Variants in BRD7 observed in about 807,000 individuals in gnomAD.
The protein encoded by BRD7 is bromodomain-containing protein 7.
A neutral mutation model predicts 82.1 loss-of-function variants in BRD7; 15 were observed. The observed-to-expected ratio is 0.18, with a 90% confidence interval of 0.12 to 0.28. The LOEUF is 0.28. BRD7 is among the 10% of genes least tolerant of loss of function. The pLI is 1.00. For missense variants in BRD7, 638 were observed against 779.9 expected (o/e 0.82, Z 2.17); for synonymous variants, 232 against 266.9 (o/e 0.87, Z 1.27).
At chr16:50,319,401 C>G (rs76259746) in intron 16 of BRD7, 135 bp from the exon 17 acceptor site, 13,318 of 694,926 alleles carry the variant, frequency 0.019, 173 homozygotes, top group Middle Eastern at 0.029. Flanking sequence ...CTGAAGACTA[C>G]GCGCATTATC....
chr16:50,367,174 A>G lies in BRD7; in HGVS notation c.258+916T>C, dbSNP rs1411507289. ...ATTTACCTTCACAATAATTGATGTA[A>G]TAAGTCGTTCAGTGGCAGGTTAAAT... On this transcript the variant is annotated intron_variant, in intron 2 of 16. Transcript: ENST00000394688. Among the ~76,000 whole-genome samples the G allele has an allele frequency of 3.9e-5, 6 of 152,236 alleles. No homozygotes were observed. The East Asian group carries it at 7.7e-4, about 20-fold the overall frequency.
intron 5 of BRD7, among the ~76,000 whole-genome samples, chr16:50,340,624 T>C (rs1158094709): frequency 1.3e-5 from 2 of 152,216 alleles, no homozygotes; most frequent in Non-Finnish European, 2.9e-5. Context: ...ACATTTACAC[T>C]ACTTTTATGT....
chr16:50,368,901 G>C lies in BRD7; in HGVS notation c.-127C>G. The C allele has an allele frequency of 2.2e-6, 1 of 446,234 alleles. No individual in the cohort carries two copies. Among genetic ancestry groups the C allele is most frequent in the East Asian group, 1.6e-4 (1 of 6,210 alleles). The allele number at this position is 446,234 out of a possible 1,614,324, so 27.6% of individuals were successfully genotyped here. On this transcript the variant is annotated 5_prime_UTR_variant, in exon 1 of 17. Coordinates refer to ENST00000394688, the MANE Select transcript of BRD7 (RefSeq NM_013263.5). ...GAGACCCCGCGCCGCGAGGCAGGGG[G>C]GCGGCGCGCGCCGGGCGGCGCGATG...
chr16:50,330,632 T>C (rs1394803247), intron 8 of BRD7, among the ~76,000 whole-genome samples: 4 of 152,202 alleles, frequency 2.6e-5, no homozygotes, highest in African/African-American at 9.6e-5. Flanking sequence ...TATGTCTATA[T>C]ATGTGTCATG....
At chr16:50,324,687 T>C (rs1477024722) in intron 11 of BRD7, among the ~76,000 whole-genome samples, 3 of 152,242 alleles carry the variant, frequency 2.0e-5, no homozygotes, top group Admixed American at 6.5e-5. Context: ...GTACCAGACT[T>C]ATCTGACCGA....
chr16:50,353,223 A>G (rs1354387070), intron 4 of BRD7, among the ~76,000 whole-genome samples: 2 of 151,974 alleles, frequency 1.3e-5, no homozygotes, highest in Non-Finnish European at 2.9e-5. Flanking sequence ...GTGCAACCAC[A>G]CTAGGATAAT....
At position 50,320,288 on chromosome 16, in the gene BRD7, C is replaced by A. The variant is rs2037037742; in HGVS notation, c.1716G>T (p.Met572Ile). Reference sequence around the variant, plus strand: ...TGTATGAGGGACCCAAGAGACAGATCATGTTCGGAGGGGGTCTGGTGCTCA... The same window carrying A: ...TGTATGAGGGACCCAAGAGACAGATAATGTTCGGAGGGGGTCTGGTGCTCA... ...ERLSTRPPPN[M>I]ICLLGPSYRE... The change falls in exon 15 of 17, where the codon ATG becomes ATT. Residue 572 changes from methionine to isoleucine, a missense_variant. Met to Ile is a conservative substitution (Grantham distance 10). This residue lies in a region of BRD7 where 402 missense variants were observed against 500.8 expected (regional missense o/e 0.80). Transcript: ENST00000394688. 1 of 1,614,028 alleles carries A rather than the reference C, an allele frequency of 6.2e-7. No individual in the cohort carries two copies. The highest frequency in any genetic ancestry group is 1.1e-5 in the South Asian group (1 of 91,084).
intron 2 of BRD7, 21 bp downstream of exon 2, chr16:50,368,069 A>G: frequency 6.2e-7 from 1 of 1,613,644 alleles, no homozygotes; most frequent in Non-Finnish European, 8.5e-7. Flanking sequence ...CGCAAAGCCA[A>G]AGCAATGTAA....
intron 1 of BRD7, 65 bp from the exon 2 acceptor site, chr16:50,368,363 C>T: frequency 2.0e-6 from 3 of 1,528,614 alleles, no homozygotes; most frequent in East Asian, 2.3e-5. Flanking sequence ...CCAGGGAGTG[C>T]TAAGGATGCA....
At chr16:50,324,917 C>T (rs906831785) in intron 11 of BRD7, among the ~76,000 whole-genome samples, 1 of 152,208 alleles carries the variant, frequency 6.6e-6, no homozygotes, top group Admixed American at 6.5e-5. Flanking sequence ...TGATCTGAAA[C>T]CACAGTCAAC....
chr16:50,322,163 A>G, intron 12 of BRD7, 125 bp from the exon 13 acceptor site: 1 of 717,232 alleles, frequency 1.4e-6, no homozygotes, highest in Non-Finnish European at 2.3e-6. Context: ...ACTGGAATAT[A>G]ATTTTTCAGG....
intron 8 of BRD7, 55 bp downstream of exon 8, chr16:50,333,519 G>T (rs1268775201): frequency 6.3e-7 from 1 of 1,586,594 alleles, no homozygotes; most frequent in Non-Finnish European, 8.5e-7. Context: ...AAAACTAAAA[G>T]TTTCAGATGC....
At chr16:50,356,565 G>A (rs2038740534) in intron 2 of BRD7, among the ~76,000 whole-genome samples, 2 of 152,052 alleles carry the variant, frequency 1.3e-5, no homozygotes, top group African/African-American at 4.8e-5. Context: ...AGCATACATT[G>A]TTTACAGATG....
intron 7 of BRD7, 118 bp downstream of exon 7, chr16:50,334,593 A>G: frequency 5.0e-6 from 6 of 1,209,992 alleles, no homozygotes; most frequent in South Asian, 1.5e-5. Flanking sequence ...ATGCCAAAAC[A>G]CCACCACCAC....
chr16:50,347,350 A>T (rs2038327385), intron 5 of BRD7, among the ~76,000 whole-genome samples: 1 of 152,236 alleles, frequency 6.6e-6, no homozygotes. Context: ...AAACTGGCAC[A>T]AGACAGGGAT....
intron 8 of BRD7, among the ~76,000 whole-genome samples, chr16:50,333,112 G>C (rs760005530): frequency 3.9e-5 from 6 of 152,138 alleles, no homozygotes; most frequent in Admixed American, 2.0e-4. Context: ...ACAAAATGGT[G>C]TATGTACCCC....
At chr16:50,347,084 T>G (rs1484938320) in intron 5 of BRD7, among the ~76,000 whole-genome samples, 1 of 152,194 alleles carries the variant, frequency 6.6e-6, no homozygotes, top group Non-Finnish European at 1.5e-5. Context: ...GCTTCATCCC[T>G]GGGAGGCAAG....
In BRD7 at chr16:50,320,650, T is replaced by C; in HGVS notation, c.1612+13A>G. The C allele has an allele frequency of 1.9e-6, 3 of 1,598,992 alleles. No individual in the cohort carries two copies. The highest frequency in any genetic ancestry group is 4.5e-5 in the East Asian group (2 of 44,822). On this transcript the variant is annotated intron_variant, in intron 14 of 16. Coordinates refer to ENST00000394688, the MANE Select transcript of BRD7 (RefSeq NM_013263.5). The stretch of plus-strand genomic sequence containing the variant: ...CATGCAGTGTTTCAATCAAACCCTC[T>C]GGAGACACTTACCTTCAGAGTCAAA...
At chr16:50,337,694 A>G (rs2037868949) in intron 6 of BRD7, among the ~76,000 whole-genome samples, 1 of 152,196 alleles carries the variant, frequency 6.6e-6, no homozygotes, top group Non-Finnish European at 1.5e-5. Flanking sequence ...AAAAGACACC[A>G]TTCACGGAAG....
Sources: gnomAD v4.1 joint callset for allele counts (sites outside exome capture counted in the v4.1 genomes callset) on GRCh38, gnomAD v4.1.1 for gene constraint, gnomAD v4.1.1 regional missense constraint, MANE v1.5 for transcripts, NCBI Gene and HGNC (gene_info 2026-07-23, HGNC 2026-07-21) for gene names.